AXDND1: variants seen among roughly 807,000 people sequenced by gnomAD.
AXDND1 encodes the protein axonemal dynein light chain domain containing 1.
In AXDND1, 110 loss-of-function variants were observed where a neutral mutation model predicts 137.5. The observed-to-expected ratio is 0.80, with a 90% CI of 0.69 to 0.94. AXDND1 has a LOEUF of 0.94. Ranked by LOEUF, AXDND1 falls within the 40% of genes least tolerant of loss-of-function variation. AXDND1 has a pLI of 0.00. For missense variants in AXDND1, 1,191 were observed against 1,169.8 expected, an observed-to-expected ratio of 1.02 and a Z score of -0.26; for synonymous variants, 414 against 399.7, an observed-to-expected ratio of 1.04 and a Z score of -0.43.
chr1:179,435,664 C>T (rs1355638576), intron 15 of AXDND1, among the ~76,000 whole-genome samples: 2 of 152,128 alleles, frequency 1.3e-5, no homozygotes, highest in Admixed American at 6.5e-5. Flanking sequence ...AACTTGACCC[C>T]TTCCTTACAT....
At chr1:179,492,492 C>T (rs1667033717) in intron 19 of AXDND1, among the ~76,000 whole-genome samples, 1 of 151,092 alleles carries the variant, frequency 6.6e-6, no homozygotes, top group African/African-American at 2.4e-5. Flanking sequence ...TAGAAGATTT[C>T]CACTGAATAA....
chr1:179,475,814 T>G (rs77645494), intron 17 of AXDND1, among the ~76,000 whole-genome samples: 9,561 of 152,220 alleles, frequency 0.063, 358 homozygotes, highest in African/African-American at 0.071. Context: ...ATAATATGCT[T>G]TGGCTCTGTT....
chr1:179,513,346 G>A (rs531979358), intron 21 of AXDND1, among the ~76,000 whole-genome samples: 7 of 152,212 alleles, frequency 4.6e-5, no homozygotes, highest in African/African-American at 1.7e-4. Flanking sequence ...TTTTAATTCT[G>A]TTTATGTGGT....
At chr1:179,490,565 A>G (rs1372902307) in intron 18 of AXDND1, among the ~76,000 whole-genome samples, 2 of 152,212 alleles carry the variant, frequency 1.3e-5, no homozygotes, top group African/African-American at 4.8e-5. Context: ...TTAATGTCCT[A>G]ACAATTTATT....
intron 16 of AXDND1, chr1:179,455,219 G>C (rs1293863168): frequency 1.3e-5 from 2 of 148,890 alleles, no homozygotes; most frequent in African/African-American, 5.0e-5. Context: ...AGTTTGCAGT[G>C]AGCAGAGATT....
At chr1:179,471,777 A>G (rs4598457) in intron 17 of AXDND1, among the ~76,000 whole-genome samples, 48,404 of 151,978 alleles carry the variant, frequency 0.32, 8,320 homozygotes, top group Middle Eastern at 0.43. Context: ...CCTTTTCCAT[A>G]GTCTTAAGTT....
intron 18 of AXDND1, among the ~76,000 whole-genome samples, chr1:179,484,932 C>T (rs763178104): frequency 9.9e-5 from 15 of 152,152 alleles, no homozygotes; most frequent in Admixed American, 2.0e-4. Flanking sequence ...GCCAGTGCCC[C>T]GCCACTGTGC....
chr1:179,551,120 A>T (rs920763732), intron 25 of AXDND1: 1 of 1,609,764 alleles, frequency 6.2e-7, no homozygotes, highest in African/African-American at 1.3e-5. Flanking sequence ...TCCCTCAGGC[A>T]TGTGACTTTT....
chr1:179,461,820 GT>G (rs1428539717), intron 16 of AXDND1, among the ~76,000 whole-genome samples: 1 of 151,946 alleles, frequency 6.6e-6, no homozygotes, highest in Non-Finnish European at 1.5e-5. Context: ...GCAATTGTGA[GT>G]GGGAGTTCAC....
chr1:179,401,896 G>C (rs928822655), intron 11 of AXDND1, among the ~76,000 whole-genome samples: 5 of 151,868 alleles, frequency 3.3e-5, no homozygotes, highest in African/African-American at 1.2e-4. Flanking sequence ...TCTCGGGGCC[G>C]GGCAAGGTGG....
At chr1:179,444,948 C>A in intron 15 of AXDND1, 22 bp from the exon 16 acceptor site, 1 of 1,520,378 alleles carries the variant, frequency 6.6e-7, no homozygotes, top group South Asian at 1.1e-5. Context: ...ATGCTACTCT[C>A]CCTCTTCCTT....
chr1:179,425,315 C>G (rs1255080356), intron 12 of AXDND1, among the ~76,000 whole-genome samples: 6 of 152,166 alleles, frequency 3.9e-5, no homozygotes, highest in Non-Finnish European at 8.8e-5. Flanking sequence ...AAGGCAATAT[C>G]TCTGCAGTGT....
intron 9 of AXDND1, among the ~76,000 whole-genome samples, chr1:179,387,643 A>G (rs1649434497): frequency 1.3e-5 from 2 of 152,216 alleles, no homozygotes; most frequent in African/African-American, 2.4e-5. Flanking sequence ...TTGGGACACA[A>G]TTAAGTTATT....
At position 179,385,279 on chromosome 1, in the gene AXDND1, T is replaced by G; in HGVS notation, c.783T>G (p.Ile261Met). 2 of 1,612,250 alleles carry G rather than the reference T, an allele frequency of 1.2e-6. No individual in the cohort carries two copies. Among genetic ancestry groups the G allele is most frequent in the Non-Finnish European group, 1.7e-6 (2 of 1,178,312 alleles). Reference sequence around the variant, plus strand: ...ATATATTGAAGAAGGAACAGACCATTTACAACATGATATTTCATGAACTTA... The same window carrying G: ...ATATATTGAAGAAGGAACAGACCATGTACAACATGATATTTCATGAACTTA... Reference protein sequence around the residue: ...LLHILKKEQTIYNMIFHELIR... With the variant: ...LLHILKKEQTMYNMIFHELIR... The change falls in exon 9 of 26, where the codon ATT (isoleucine) becomes ATG (methionine). Residue 261 changes from isoleucine to methionine, a missense_variant. Transcript: ENST00000367618.
chr1:179,467,237 A>G (rs964723760), intron 16 of AXDND1, among the ~76,000 whole-genome samples: 3 of 152,176 alleles, frequency 2.0e-5, no homozygotes, highest in Admixed American at 6.5e-5. Flanking sequence ...GACTGGCACA[A>G]TTGTTCAATT....
At chr1:179,427,171 AAACAAG>A (rs143719796) in intron 12 of AXDND1, among the ~76,000 whole-genome samples, 44,243 of 151,608 alleles carry the variant, frequency 0.29, 6,603 homozygotes, top group Non-Finnish European at 0.31. Flanking sequence ...CTCAAAACAA[AAACAAG>A]AACAAAAACA....
In AXDND1 at chr1:179,432,585, T is replaced by C. The variant is rs184132519; in HGVS notation, c.1563+243T>C. On this transcript the variant is annotated intron_variant, in intron 15 of 25. Transcript: ENST00000367618. ...GGATTACAGGCATGTGCCACCACGC[T>C]TGGCTAATTTTTGTATTTGTAGTAG... Among the ~76,000 whole-genome samples the C allele has an allele frequency of 5.3e-3, 804 of 152,228 alleles. 9 individuals carry two copies. The highest frequency in any genetic ancestry group is 0.019 in the African/African-American group (780 of 41,562).
At chr1:179,452,033 A>G (rs1571890998) in intron 16 of AXDND1, 1 of 152,610 alleles carries the variant, frequency 6.6e-6, no homozygotes, top group Admixed American at 6.5e-5. Context: ...GAAGACAGGA[A>G]AATGTGGGAA....
chr1:179,393,778 G>T, intron 9 of AXDND1, 125 bp from the exon 10 acceptor site: 2 of 619,634 alleles, frequency 3.2e-6, no homozygotes, highest in Non-Finnish European at 5.0e-6. Context: ...TTCTTGATTT[G>T]ATTCTCAGCT....
Sources: gnomAD v4.1 joint callset for allele counts (sites outside exome capture counted in the v4.1 genomes callset) on GRCh38, gnomAD v4.1.1 for gene constraint, MANE v1.5 for transcripts, NCBI Gene and HGNC (gene_info 2026-07-23, HGNC 2026-07-21) for gene names.